KHDC1: variants seen among roughly 807,000 people sequenced by gnomAD.
KHDC1 encodes KH homology domain-containing protein 1.
Under a neutral mutation model 24.7 loss-of-function variants are expected in KHDC1, and 21 were observed. That is an observed-to-expected ratio of 0.85 (90% CI 0.60 to 1.23). The LOEUF is 1.23. Ranked by LOEUF, KHDC1 falls within the 50% of genes most tolerant of loss-of-function variation. The pLI, the probability that KHDC1 is intolerant of heterozygous loss-of-function variation, is 0.00. For missense variants in KHDC1, 274 were observed against 298.5 expected (o/e 0.92, Z 0.61); for synonymous variants, 98 against 111.7 (o/e 0.88, Z 0.77).
intron 2 of KHDC1, among the ~76,000 whole-genome samples, chr6:73,283,328 T>A (rs1479240931): frequency 8.4e-6 from 1 of 118,854 alleles, no homozygotes; most frequent in East Asian, 2.0e-4. Context: ...GTGTTACTAG[T>A]TTTTTTTTTT....
In KHDC1 at chr6:73,307,357, G is replaced by A. The variant is rs932825341; in HGVS notation, c.163+2195C>T. Among the ~76,000 whole-genome samples, 18 of 151,160 alleles carry A rather than the reference G, an allele frequency of 1.2e-4. No individual in the cohort carries two copies. The East Asian group carries it at 2.4e-3, about 20-fold the overall frequency. ...AGAGAATTGCTTGAACCCGGGAGGC[G>A]GAGGTTGCAATGAGCCGAGATCAGG... On this transcript the variant is annotated intron_variant, in intron 1 of 4. Transcript: ENST00000370384.
chr6:73,270,517 C>T (rs1387224534), intron 2 of KHDC1: 1 of 151,984 alleles, frequency 6.6e-6, no homozygotes, highest in African/African-American at 2.4e-5. Flanking sequence ...CTGCAAAGAC[C>T]TTATTTCCAG....
rs764172574 is a variant in KHDC1, at chr6:73,241,618, T to C, written c.625A>G (p.Ser209Gly). 2.5e-6 allele frequency: 4 copies of C among 1,614,086 alleles called. No individual in the cohort carries two copies. The East Asian group carries it at 6.7e-5, about 27-fold the overall frequency. Residue 209 changes from serine to glycine, a missense_variant, in exon 5 of 5, where the codon AGT becomes GGT. By Grantham distance (56) the Ser-to-Gly change is moderately conservative. Transcript: ENST00000370384. The stretch of plus-strand genomic sequence containing the variant: ...GGAACGCTAAGACACACGGTTCCAC[T>C]TATCCTGGGAGCCAAAGACAGGTCT...
chr6:73,248,344 G>T (rs376302551), intron 2 of KHDC1, among the ~76,000 whole-genome samples: 1 of 151,350 alleles, frequency 6.6e-6, no homozygotes, highest in East Asian at 1.9e-4. Flanking sequence ...ACTTTAATCC[G>T]ATGTTCCACT....
At chr6:73,279,201 G>A (rs1182445433) in intron 2 of KHDC1, among the ~76,000 whole-genome samples, 1 of 152,180 alleles carries the variant, frequency 6.6e-6, no homozygotes, top group African/African-American at 2.4e-5. Flanking sequence ...GCAGTCAGGA[G>A]TTCAAGACCA....
At chr6:73,244,427 T>C (rs1299131169) in intron 2 of KHDC1, among the ~76,000 whole-genome samples, 2 of 152,080 alleles carry the variant, frequency 1.3e-5, no homozygotes, top group Non-Finnish European at 1.5e-5. Flanking sequence ...AGACATACTT[T>C]GTTGTTTGAG....
intron 1 of KHDC1, among the ~76,000 whole-genome samples, chr6:73,309,153 T>C (rs898947941): frequency 6.6e-6 from 1 of 152,258 alleles, no homozygotes; most frequent in Non-Finnish European, 1.5e-5. Flanking sequence ...CAGGTGATGC[T>C]GATTCTGCTG....
intron 1 of KHDC1, among the ~76,000 whole-genome samples, chr6:73,294,513 A>G (rs898357462): frequency 2.0e-5 from 3 of 152,286 alleles, no homozygotes; most frequent in Middle Eastern, 3.4e-3. Context: ...GAGGACATCT[A>G]TTTATTCTTT....
At chr6:73,282,699 A>G (rs994823029) in intron 2 of KHDC1, among the ~76,000 whole-genome samples, 1 of 152,166 alleles carries the variant, frequency 6.6e-6, no homozygotes, top group African/African-American at 2.4e-5. Context: ...AGCTGGCACC[A>G]CCACCCAGAT....
chr6:73,278,346 T>C (rs114948749), intron 2 of KHDC1, among the ~76,000 whole-genome samples: 2,059 of 151,920 alleles, frequency 0.014, 44 homozygotes, highest in African/African-American at 0.047. Flanking sequence ...TTTGCCTATA[T>C]TTCTATTGAT....
intron 1 of KHDC1, among the ~76,000 whole-genome samples, chr6:73,308,675 T>A (rs1286877867): frequency 1.3e-5 from 2 of 151,980 alleles, no homozygotes; most frequent in Non-Finnish European, 2.9e-5. Context: ...TTTTTCATAT[T>A]TTTTTGTAGA....
rs1277607256 is a variant in KHDC1 at position 73,290,529 on chromosome 6, C to T, written c.206+1469G>A. ...ATATCATAATCTTTTTTTTTTCTAA[C>T]AAGATCCAAAGTCCACAAATATATC... On this transcript the variant is annotated intron_variant, in intron 2 of 4. Transcript: ENST00000370384. 7.3e-6 allele frequency: 3 copies of T among 409,892 alleles called. No homozygotes were observed. In the East Asian group the frequency reaches 1.9e-4, roughly 27 times the overall value. 25.4% of individuals were successfully genotyped at this position (409,892 alleles called of 1,614,324 possible).
chr6:73,297,472 C>T (rs185973997), intron 1 of KHDC1, among the ~76,000 whole-genome samples: 4 of 151,994 alleles, frequency 2.6e-5, no homozygotes, highest in Non-Finnish European at 2.9e-5. Flanking sequence ...AATCAATATC[C>T]TTGTACACGT....
chr6:73,241,867 A>G (rs1450313925), intron 4 of KHDC1, 139 bp from the exon 4 acceptor site: 1 of 1,069,360 alleles, frequency 9.4e-7, no homozygotes, highest in Non-Finnish European at 1.3e-6. Flanking sequence ...TACACCTCCC[A>G]GCTACCTCTC....
intron 2 of KHDC1, chr6:73,284,566 G>C (rs111464049): frequency 6.6e-6 from 1 of 151,928 alleles, no homozygotes; most frequent in Non-Finnish European, 1.5e-5. Context: ...TTAAACTCCT[G>C]TCTCTCTGCT....
At chr6:73,285,416 C>T (rs1176125459) in intron 2 of KHDC1, among the ~76,000 whole-genome samples, 1 of 151,818 alleles carries the variant, frequency 6.6e-6, no homozygotes, top group East Asian at 1.9e-4. Flanking sequence ...ACTGCAACCT[C>T]TGCCTCCCGG....
chr6:73,279,575 ATTTTTTTTTTTTTT>A (rs560281126), intron 2 of KHDC1, among the ~76,000 whole-genome samples: 1 of 98,312 alleles, frequency 1.0e-5, no homozygotes, highest in African/African-American at 3.7e-5. Flanking sequence ...GGGACCATGG[ATTTTTTTTTTTTTT>A]TTTTTTTTTG....
chr6:73,279,409 A>G (rs1396050284), intron 2 of KHDC1, among the ~76,000 whole-genome samples: 2 of 152,088 alleles, frequency 1.3e-5, no homozygotes, highest in African/African-American at 4.8e-5. Context: ...AAAAATAAAA[A>G]TGAAAATAAA....
At chr6:73,302,812 C>T (rs925961472) in intron 1 of KHDC1, among the ~76,000 whole-genome samples, 2 of 152,212 alleles carry the variant, frequency 1.3e-5, no homozygotes, top group Non-Finnish European at 2.9e-5. Flanking sequence ...CGCGGTGGCT[C>T]ATGCCTGTAA....
Sources: allele counts gnomAD v4.1 joint callset (sites outside exome capture counted in the v4.1 genomes callset), GRCh38; gene constraint gnomAD v4.1.1; transcripts MANE v1.5; gene names NCBI Gene and HGNC (gene_info 2026-07-23, HGNC 2026-07-21).